RHCG: variants seen among roughly 807,000 people sequenced by gnomAD.
RHCG encodes the protein Rh family C glycoprotein.
Under a neutral mutation model 55.3 loss-of-function variants are expected in RHCG, and 39 were observed. The ratio of observed to expected loss-of-function variants is 0.70; its 90% confidence interval spans 0.55 to 0.92. RHCG has a LOEUF of 0.92. Among genes scored for constraint, RHCG ranks in the 40% least tolerant of loss-of-function variants. RHCG has a pLI of 0.00. For missense variants in RHCG, 635 were observed against 627.9 expected (o/e 1.01, Z -0.12); for synonymous variants, 250 against 246.8 (o/e 1.01, Z -0.12).
chr15:89,482,999 A>C (rs569633766), intron 3 of RHCG, 68 bp downstream of exon 3: 7 of 1,430,946 alleles, frequency 4.9e-6, no homozygotes, highest in African/African-American at 2.8e-5. Context: ...CCAGCTGTCT[A>C]TTTCTCCATA....
intron 5 of RHCG, among the ~76,000 whole-genome samples, chr15:89,478,993 G>A (rs1367518630): frequency 6.6e-6 from 1 of 152,064 alleles, no homozygotes; most frequent in Non-Finnish European, 1.5e-5. Context: ...CCAGCTAGTT[G>A]GGAAACTGAG....
At chr15:89,490,023 T>C (rs1029594620) in intron 1 of RHCG, among the ~76,000 whole-genome samples, 1 of 152,202 alleles carries the variant, frequency 6.6e-6, no homozygotes, top group Non-Finnish European at 1.5e-5. Context: ...TATGGATGAA[T>C]GAATGATTGT....
chr15:89,484,768 A>G (rs1200268609), intron 2 of RHCG, among the ~76,000 whole-genome samples: 3 of 143,186 alleles, frequency 2.1e-5, no homozygotes, highest in Admixed American at 7.1e-5. Flanking sequence ...TGATAGAGCA[A>G]AACTCAGTCT....
chr15:89,484,960 A>G (rs574995293), intron 2 of RHCG, among the ~76,000 whole-genome samples: 238 of 152,212 alleles, frequency 1.6e-3, no homozygotes, highest in Non-Finnish European at 2.9e-3. Flanking sequence ...TTCAGCAGGG[A>G]CAGGCCAGAA....
intron 1 of RHCG, among the ~76,000 whole-genome samples, chr15:89,490,941 G>A (rs146902045): frequency 1.3e-5 from 2 of 152,272 alleles, no homozygotes; most frequent in African/African-American, 4.8e-5. Context: ...CTGAGAACTG[G>A]CTGTGCCTTG....
At chr15:89,479,702 T>G in intron 4 of RHCG, 1 of 563,690 alleles carries the variant, frequency 1.8e-6, no homozygotes. Context: ...CCAGGAAGTC[T>G]ACCCTGACCC....
intron 9 of RHCG, among the ~76,000 whole-genome samples, chr15:89,475,049 C>A (rs1961117224): frequency 6.8e-6 from 1 of 147,438 alleles, no homozygotes; most frequent in African/African-American, 2.6e-5. Context: ...TTCCTGCCCG[C>A]CTTCCTTCCT....
chr15:89,480,559 A>G (rs935887544), intron 3 of RHCG, 151 bp from the exon 4 acceptor site: 23 of 857,906 alleles, frequency 2.7e-5, no homozygotes, highest in Non-Finnish European at 4.1e-5. Flanking sequence ...TCACGGACCA[A>G]TCAACTGGTA....
intron 3 of RHCG, 106 bp from the exon 4 acceptor site, chr15:89,480,514 G>A (rs911261438): frequency 8.8e-5 from 119 of 1,358,374 alleles, no homozygotes; most frequent in Non-Finnish European, 1.1e-4. Flanking sequence ...CAGCCTTCTC[G>A]GACTCTTCAG....
chr15:89,480,661 G>T (rs967505122), intron 3 of RHCG, among the ~76,000 whole-genome samples: 2 of 152,210 alleles, frequency 1.3e-5, no homozygotes, highest in Non-Finnish European at 2.9e-5. Context: ...ACCCAGGCCT[G>T]GAGACAGACT....
chr15:89,486,585 A>AGT, intron 2 of RHCG: 1 of 501,276 alleles, frequency 2.0e-6, no homozygotes, highest in Non-Finnish European at 3.7e-6. Flanking sequence ...AGAGAGAGAG[A>AGT]GAGAGAGAGA....
At chr15:89,485,292 T>G (rs1961339844) in intron 2 of RHCG, among the ~76,000 whole-genome samples, 1 of 152,236 alleles carries the variant, frequency 6.6e-6, no homozygotes, top group African/African-American at 2.4e-5. Context: ...TCTATGGTTT[T>G]GGGAATGATA....
At chr15:89,491,882 C>G (rs890744232) in intron 1 of RHCG, among the ~76,000 whole-genome samples, 1 of 152,188 alleles carries the variant, frequency 6.6e-6, no homozygotes, top group Non-Finnish European at 1.5e-5. Context: ...CTTTGTCAGT[C>G]AAATGGGAGA....
intron 1 of RHCG, among the ~76,000 whole-genome samples, chr15:89,489,868 G>T (rs1266646817): frequency 6.6e-6 from 1 of 151,980 alleles, no homozygotes; most frequent in Non-Finnish European, 1.5e-5. Context: ...TTCTTTCACG[G>T]TTCTTGTTAT....
intron 9 of RHCG, among the ~76,000 whole-genome samples, chr15:89,473,170 G>A (rs1961071965): frequency 6.6e-6 from 1 of 152,204 alleles, no homozygotes; most frequent in African/African-American, 2.4e-5. Context: ...CACACAACAG[G>A]CTTATAACCC....
chr15:89,493,564 C>CT (rs1407660711), intron 1 of RHCG, among the ~76,000 whole-genome samples: 3 of 152,210 alleles, frequency 2.0e-5, no homozygotes, highest in African/African-American at 7.2e-5. Flanking sequence ...GGCCTGGATC[C>CT]AGGAACAGGG....
rs747567913 is a variant in RHCG, at chr15:89,476,838, G to C, written c.1238-10C>G. On this transcript the variant is annotated splice_polypyrimidine_tract_variant and intron_variant, in intron 8 of 10. Transcript: ENST00000268122. ...AATCTCAAAATGAGCCCTACAGAAA[G>C]TTGGAGATTACAGGATGTCAGGAAG... The C allele has an allele frequency of 6.2e-7, 1 of 1,612,404 alleles. No individual in the cohort carries two copies. Among genetic ancestry groups the C allele is most frequent in the Non-Finnish European group, 8.5e-7 (1 of 1,178,424 alleles).
At chr15:89,472,637 A>G (rs1961059344) in intron 10 of RHCG, 74 bp downstream of exon 10, 3 of 1,435,136 alleles carry the variant, frequency 2.1e-6, no homozygotes, top group Non-Finnish European at 2.9e-6. Flanking sequence ...CTTTGCTAGT[A>G]ACATCTGATT....
Position 89,486,900 on chromosome 15 carries a change from G to A in RHCG, c.270C>T (p.Gly90=). ...CGAAGGCTGCCAACAGGAAGTTGAA[G>A]CCCACGGCGCTGAAGCCGTAGCGCT... The part of the protein sequence containing the change: ...FLQRYGFSAV[G]FNFLLAAFGI... The change falls in exon 2 of 11, where the codon GGC becomes GGT. Residue 90 remains glycine (G), a synonymous_variant. Transcript: ENST00000268122. 1 of 1,613,132 alleles carries A rather than the reference G, an allele frequency of 6.2e-7. No individual in the cohort carries two copies. Among genetic ancestry groups the A allele is most frequent in the Non-Finnish European group, 8.5e-7 (1 of 1,179,220 alleles).
Sources: allele counts gnomAD v4.1 joint callset (sites outside exome capture counted in the v4.1 genomes callset), GRCh38; gene constraint gnomAD v4.1.1; transcripts MANE v1.5; gene names NCBI Gene and HGNC (gene_info 2026-07-23, HGNC 2026-07-21).